The following PFKFB1 variants were observed in gnomAD, a reference collection of about 807,000 sequenced individuals.
The protein encoded by PFKFB1 is 6-phosphofructo-2-kinase/fructose-2,6-bisphosphatase 1.
A neutral mutation model predicts 46.4 loss-of-function variants in PFKFB1; 34 were observed. That is an observed-to-expected ratio of 0.73 (90% confidence interval 0.56 to 0.98). The LOEUF (loss-of-function observed/expected upper bound fraction) is 0.98. Among genes scored for constraint, PFKFB1 ranks in the 50% least tolerant of loss-of-function variants. The pLI is 0.00. For synonymous variants in PFKFB1, 119 were observed against 133.8 expected, an observed-to-expected ratio of 0.89 and a Z score of 0.76; for missense variants, 393 against 376.3, an observed-to-expected ratio of 1.04 and a Z score of -0.37.
chrX:54,956,052 G>A (rs1436465195), intron 7 of PFKFB1, 101 bp downstream of exon 7: 2 of 502,262 alleles, frequency 4.0e-6, no homozygotes, highest in South Asian at 6.5e-5. Context: ...TACAGATAGA[G>A]AAGTTGAGGC....
intron 1 of PFKFB1, among the ~76,000 whole-genome samples, chrX:54,989,608 G>A (rs184192408): frequency 1.2e-4 from 14 of 112,180 alleles, no homozygotes; most frequent in African/African-American, 3.9e-4. Flanking sequence ...AAACACAACT[G>A]TAAAACGCAC....
At chrX:54,980,952 A>G (rs1350300830) in intron 1 of PFKFB1, among the ~76,000 whole-genome samples, 1 of 111,642 alleles carries the variant, frequency 9.0e-6, no homozygotes, top group African/African-American at 3.2e-5. Context: ...TAAAAGAATC[A>G]AATACAGCTT....
At chrX:54,977,233 G>A (rs1317594968) in intron 1 of PFKFB1, among the ~76,000 whole-genome samples, 1 of 110,796 alleles carries the variant, frequency 9.0e-6, no homozygotes, top group Non-Finnish European at 1.9e-5. Flanking sequence ...AAATGGGGTG[G>A]AGAAAGAAAA....
Position 54,933,293 on chromosome X carries a change from A to G in PFKFB1, c.*110T>C. The G allele has an allele frequency of 1.6e-6, 1 of 616,952 alleles. No individual in the cohort carries two copies. Among genetic ancestry groups the G allele is most frequent in the Middle Eastern group, 3.2e-4 (1 of 3,159 alleles). 50.8% of individuals were successfully genotyped at this position (616,952 alleles called of 1,213,427 possible). On this transcript the variant is annotated 3_prime_UTR_variant, in exon 14 of 14. Coordinates refer to ENST00000375006, the MANE Select transcript of PFKFB1 (RefSeq NM_002625.4). The stretch of plus-strand genomic sequence containing the variant: ...GAGTTGCGGAGGACTTCTTCACTGG[A>G]AGTGGGGTGCCTCAGTGAGGCCAAG...
At chrX:54,988,403 CCTAA>C (rs1422361864) in intron 1 of PFKFB1, among the ~76,000 whole-genome samples, 1 of 111,204 alleles carries the variant, frequency 9.0e-6, no homozygotes, top group Admixed American at 9.6e-5. Context: ...GGTAATATTC[CCTAA>C]CTAATCTATA....
At chrX:54,973,006 C>T (rs771834255) in intron 1 of PFKFB1, among the ~76,000 whole-genome samples, 26 of 111,674 alleles carry the variant, frequency 2.3e-4, no homozygotes, top group Admixed American at 8.5e-4. Flanking sequence ...ATTATTGCTA[C>T]AATTTCAGAG....
intron 10 of PFKFB1, among the ~76,000 whole-genome samples, chrX:54,940,796 C>T (rs1431422872): frequency 2.7e-5 from 3 of 111,438 alleles, no homozygotes; most frequent in African/African-American, 9.8e-5. Flanking sequence ...GAATCAATAT[C>T]GTGAAGATGG....
Position 54,952,112 on chromosome X carries a change from G to A in PFKFB1, c.639C>T (p.Ser213=), listed in dbSNP as rs1224819067. 8.3e-7 allele frequency: 1 copy of A among 1,207,287 alleles called. No homozygotes were observed. ...NYQPLDEELD[S]HLSYIKIFDV... is the part of the protein sequence containing the mutation. ...CGAAGATCTTGATGTAGGACAGGTG[G>A]CTGGGCCAGACCCAAGCAGGAGCAA... Residue 213 remains serine (S), a splice_region_variant and synonymous_variant, in exon 8 of 14, where the codon AGC becomes AGT. Coordinates refer to ENST00000375006, the MANE Select transcript of PFKFB1 (RefSeq NM_002625.4).
At chrX:54,968,922 A>G (rs968574269) in intron 1 of PFKFB1, among the ~76,000 whole-genome samples, 2 of 111,642 alleles carry the variant, frequency 1.8e-5, no homozygotes, top group African/African-American at 6.5e-5. Flanking sequence ...AAGTGATACA[A>G]AAAAAGAAAA....
At chrX:54,973,934 C>A (rs965632682) in intron 1 of PFKFB1, among the ~76,000 whole-genome samples, 34 of 111,292 alleles carry the variant, frequency 3.1e-4, no homozygotes, top group African/African-American at 1.1e-3. Context: ...TATAAAAGAT[C>A]TGTATGCTGG....
At chrX:54,940,188 G>A (rs1484558618) in intron 10 of PFKFB1, among the ~76,000 whole-genome samples, 1 of 111,680 alleles carries the variant, frequency 9.0e-6, no homozygotes, top group Non-Finnish European at 1.9e-5. Flanking sequence ...ACAAAATTCA[G>A]CAGCCCTTCA....
intron 1 of PFKFB1, among the ~76,000 whole-genome samples, chrX:54,978,615 A>G (rs1236737968): frequency 5.4e-5 from 6 of 111,688 alleles, no homozygotes; most frequent in Non-Finnish European, 7.6e-5. Flanking sequence ...TGGGCTGGAC[A>G]TAATGATTCA....
chrX:54,961,034 C>A, intron 2 of PFKFB1, 117 bp from the exon 3 acceptor site: 1 of 391,595 alleles, frequency 2.6e-6, no homozygotes, highest in Non-Finnish European at 4.6e-6. Context: ...ACAAAATGTG[C>A]TTTTAAAACT....
intron 11 of PFKFB1, among the ~76,000 whole-genome samples, chrX:54,935,669 C>T (rs183767268): frequency 8.9e-4 from 100 of 111,932 alleles, no homozygotes; most frequent in African/African-American, 2.9e-3. Flanking sequence ...AGGGAAAATG[C>T]TCTCCGCAAG....
intron 2 of PFKFB1, among the ~76,000 whole-genome samples, chrX:54,961,796 C>A (rs1255462029): frequency 8.9e-6 from 1 of 112,208 alleles, no homozygotes; most frequent in African/African-American, 3.2e-5. Flanking sequence ...GAGAAGGTTT[C>A]ACCACTTGAA....
intron 1 of PFKFB1, among the ~76,000 whole-genome samples, chrX:54,983,923 G>A (rs1262527585): frequency 8.9e-6 from 1 of 111,958 alleles, no homozygotes; most frequent in Non-Finnish European, 1.9e-5. Context: ...GATCAGTGAT[G>A]TTGAGCATTT....
intron 8 of PFKFB1, among the ~76,000 whole-genome samples, chrX:54,949,965 C>T (rs372892478): frequency 1.8e-5 from 2 of 111,794 alleles, no homozygotes; most frequent in African/African-American, 6.5e-5. Flanking sequence ...ATTGAGTGTT[C>T]GTGGCCCTGT....
intron 10 of PFKFB1, among the ~76,000 whole-genome samples, chrX:54,943,558 T>C (rs1318183293): frequency 9.0e-6 from 1 of 111,278 alleles, no homozygotes; most frequent in East Asian, 2.8e-4. Flanking sequence ...GAGACCATCC[T>C]GGCTAACACG....
chrX:54,986,282 T>C (rs1262847924), intron 1 of PFKFB1, among the ~76,000 whole-genome samples: 1 of 111,508 alleles, frequency 9.0e-6, no homozygotes, highest in Non-Finnish European at 1.9e-5. Context: ...TGAGACTCCA[T>C]CTCTATTCTA....
Sources: gnomAD v4.1 joint callset for allele counts (sites outside exome capture counted in the v4.1 genomes callset) on GRCh38, gnomAD v4.1.1 for gene constraint, MANE v1.5 for transcripts, NCBI Gene and HGNC (gene_info 2026-07-23, HGNC 2026-07-21) for gene names.